The following ADAMTSL3 variants were observed in gnomAD, a reference collection of about 807,000 sequenced individuals.
ADAMTSL3 encodes ADAMTS-like protein 3.
Under a neutral mutation model 201.7 loss-of-function variants are expected in ADAMTSL3, and 128 were observed. The observed-to-expected ratio is 0.63, with a 90% confidence interval of 0.55 to 0.73. The LOEUF is 0.73. Ranked by LOEUF, ADAMTSL3 falls within the 30% of genes least tolerant of loss-of-function variation. The pLI is 0.00. For missense variants in ADAMTSL3, 1,990 were observed against 2,119.6 expected, an observed-to-expected ratio of 0.94 and a Z score of 1.20; for synonymous variants, 738 against 748.4, an observed-to-expected ratio of 0.99 and a Z score of 0.23.
At chr15:83,841,181 A>G (rs1345800902) in intron 7 of ADAMTSL3, among the ~76,000 whole-genome samples, 4 of 152,234 alleles carry the variant, frequency 2.6e-5, no homozygotes, top group South Asian at 2.1e-4. Context: ...TATTACTAAT[A>G]TTGATCAAAT....
Position 83,913,329 on chromosome 15 carries a change from C to T in ADAMTSL3, c.1938C>T (p.Tyr646=), listed in dbSNP as rs756400801. 5.0e-6 allele frequency: 8 copies of T among 1,613,788 alleles called. No homozygotes were observed. Among genetic ancestry groups the T allele is most frequent in the East Asian group, 2.2e-5 (1 of 44,864 alleles). ...IPLPEDSETT[Y]DWEYAGFTPC... ...TCCCTGAGGACAGTGAGACGACTTA[C>T]GACTGGGAGTACGCTGGGTTCACCC... is the stretch of plus-strand genomic sequence containing the variant. Residue 646 remains tyrosine, a synonymous_variant, in exon 16 of 30, where the codon TAC becomes TAT. Coordinates refer to ENST00000286744, the MANE Select transcript of ADAMTSL3 (RefSeq NM_207517.3).
intron 4 of ADAMTSL3, among the ~76,000 whole-genome samples, chr15:83,800,106 AGGTGGTTG>A (rs2063494197): frequency 6.6e-6 from 1 of 152,230 alleles, no homozygotes; most frequent in African/African-American, 2.4e-5. Context: ...AATGGTCGCC[AGGTGGTTG>A]GGTTTAAAAA....
At chr15:83,932,633 G>A (rs190590564) in intron 17 of ADAMTSL3, among the ~76,000 whole-genome samples, 1 of 152,288 alleles carries the variant, frequency 6.6e-6, no homozygotes, top group African/African-American at 2.4e-5. Context: ...GAATCTAAGA[G>A]CTACAAGTAG....
intron 2 of ADAMTSL3, among the ~76,000 whole-genome samples, chr15:83,657,933 C>G (rs956717159): frequency 2.0e-5 from 3 of 152,164 alleles, no homozygotes; most frequent in African/African-American, 4.8e-5. Flanking sequence ...CAAGGCCGCC[C>G]TTTCTGAAGT....
chr15:83,838,282 A>G, intron 7 of ADAMTSL3, 67 bp downstream of exon 7: 1 of 1,527,672 alleles, frequency 6.5e-7, no homozygotes, highest in Admixed American at 2.3e-5. Context: ...TATTGCTAGA[A>G]TAACATTTTC....
rs113230458 is a variant in ADAMTSL3, at chr15:83,690,757, C to T, written c.70-13632C>T. On this transcript the variant is annotated intron_variant, in intron 2 of 29. Coordinates refer to ENST00000286744, the MANE Select transcript of ADAMTSL3 (RefSeq NM_207517.3). The stretch of plus-strand genomic sequence containing the variant: ...CTCTCATGGCTAGCACCAGACAAGA[C>T]GCATGCTTGTACAGTAGTACTAAGG... Among the ~76,000 whole-genome samples the T allele has an allele frequency of 8.1e-4, 123 of 152,262 alleles. No individual in the cohort carries two copies. In the Middle Eastern group the frequency reaches 0.014, roughly 17 times the overall value.
rs751167134 is a variant in ADAMTSL3, at chr15:83,970,553, C to A, written c.2560C>A (p.Arg854=). The change falls in exon 20 of 30, where the codon CGG becomes AGG. Residue 854 remains arginine (R), a synonymous_variant. Coordinates refer to ENST00000286744, the MANE Select transcript of ADAMTSL3 (RefSeq NM_207517.3). The part of the protein sequence containing the change: ...QVCQRLAAKG[R]RIPLSEMMCR... The stretch of plus-strand genomic sequence containing the variant: ...GTGTCAAAGGCTGGCAGCCAAAGGT[C>A]GGCGCATCCCCCTCAGTGAGATGAT... 6.2e-7 allele frequency: 1 copy of A among 1,614,204 alleles called. No homozygotes were observed.
intron 3 of ADAMTSL3, among the ~76,000 whole-genome samples, chr15:83,728,917 C>T (rs535306888): frequency 6.6e-5 from 10 of 152,138 alleles, no homozygotes; most frequent in South Asian, 6.2e-4. Context: ...TGCCCTTTAG[C>T]GTTTCTTGCA....
intron 15 of ADAMTSL3, among the ~76,000 whole-genome samples, chr15:83,904,408 G>C (rs975290183): frequency 2.0e-5 from 3 of 152,110 alleles, no homozygotes; most frequent in African/African-American, 7.2e-5. Flanking sequence ...GGGGATGCTT[G>C]CTTGTTGACA....
At chr15:83,876,698 C>G (rs1362742392) in intron 9 of ADAMTSL3, among the ~76,000 whole-genome samples, 1 of 152,006 alleles carries the variant, frequency 6.6e-6, no homozygotes, top group African/African-American at 2.4e-5. Context: ...GTGGCACAAT[C>G]ATGACTCACT....
intron 19 of ADAMTSL3, among the ~76,000 whole-genome samples, chr15:83,953,551 A>G (rs1195001250): frequency 1.3e-5 from 2 of 152,256 alleles, no homozygotes; most frequent in African/African-American, 2.4e-5. Flanking sequence ...TAGACTTTCT[A>G]CTTAAGATTA....
At chr15:83,995,029 C>A in intron 23 of ADAMTSL3, among the ~76,000 whole-genome samples, 1 of 152,114 alleles carries the variant, frequency 6.6e-6, no homozygotes, top group East Asian at 1.9e-4. Flanking sequence ...CTCACCAAGC[C>A]CCCTTGAAAC....
intron 7 of ADAMTSL3, among the ~76,000 whole-genome samples, chr15:83,853,010 C>A (rs971926010): frequency 6.6e-6 from 1 of 152,032 alleles, no homozygotes; most frequent in Non-Finnish European, 1.5e-5. Flanking sequence ...GCACCCACCA[C>A]GCCCAGCTAA....
intron 6 of ADAMTSL3, among the ~76,000 whole-genome samples, chr15:83,820,372 C>T (rs531065487): frequency 2.0e-5 from 3 of 152,170 alleles, no homozygotes; most frequent in African/African-American, 2.4e-5. Context: ...GCCACCGCGC[C>T]GGGCCATCGA....
intron 27 of ADAMTSL3, among the ~76,000 whole-genome samples, chr15:84,029,098 AG>A (rs948905260): frequency 2.0e-5 from 3 of 152,200 alleles, no homozygotes; most frequent in African/African-American, 7.2e-5. Flanking sequence ...GAACTAATAT[AG>A]TAAATTGGTA....
At chr15:83,800,538 G>C (rs1379027727) in intron 4 of ADAMTSL3, among the ~76,000 whole-genome samples, 1 of 152,088 alleles carries the variant, frequency 6.6e-6, no homozygotes, top group Non-Finnish European at 1.5e-5. Context: ...TTAGTTTTAA[G>C]TTTCTTTTTA....
chr15:83,755,962 T>C (rs952091996), intron 3 of ADAMTSL3, among the ~76,000 whole-genome samples: 4 of 152,196 alleles, frequency 2.6e-5, no homozygotes, highest in Non-Finnish European at 5.9e-5. Flanking sequence ...GGTTTTGCCA[T>C]GTTGGCCAGG....
intron 20 of ADAMTSL3, among the ~76,000 whole-genome samples, chr15:83,977,983 A>G (rs1034312269): frequency 2.0e-5 from 3 of 152,256 alleles, no homozygotes; most frequent in Non-Finnish European, 4.4e-5. Flanking sequence ...TGAGCTTCTC[A>G]GATCTTTACT....
intron 13 of ADAMTSL3, among the ~76,000 whole-genome samples, chr15:83,893,529 C>T (rs2065552133): frequency 6.6e-6 from 1 of 152,110 alleles, no homozygotes; most frequent in South Asian, 2.1e-4. Flanking sequence ...AAGTGTGTGT[C>T]CTTGATCCAG....
Sources: gnomAD v4.1 joint callset for allele counts (sites outside exome capture counted in the v4.1 genomes callset) on GRCh38, gnomAD v4.1.1 for gene constraint, MANE v1.5 for transcripts, NCBI Gene and HGNC (gene_info 2026-07-23, HGNC 2026-07-21) for gene names.